Variants in DRC9 observed in about 807,000 individuals in gnomAD.
The protein encoded by DRC9 is dynein regulatory complex protein 9.
the DRC9 span, among the ~76,000 whole-genome samples, chr3:197,939,865 T>C: frequency 6.6e-6 from 1 of 152,076 alleles, no homozygotes; most frequent in Non-Finnish European, 1.5e-5. Context: ...ACTATTCCTC[T>C]ACCTTTATAC....
At chr3:197,912,200 G>A in the DRC9 span, among the ~76,000 whole-genome samples, 3 of 151,450 alleles carry the variant, frequency 2.0e-5, no homozygotes, top group Admixed American at 2.0e-4. Context: ...CACCATGCCC[G>A]GCTAATTTTT....
the DRC9 span, among the ~76,000 whole-genome samples, chr3:197,900,107 T>C: frequency 6.6e-6 from 1 of 152,198 alleles, no homozygotes; most frequent in Non-Finnish European, 1.5e-5. The surrounding 1 kb of genome is among the most constrained non-coding windows in gnomAD (Gnocchi z 4.7). Context: ...CCGCCCAGCC[T>C]AGCAGTGGGA....
At chr3:197,900,225 C>T in the DRC9 span, among the ~76,000 whole-genome samples, 216 of 152,328 alleles carry the variant, frequency 1.4e-3, 1 homozygote, top group Middle Eastern at 0.01. The surrounding 1 kb of genome is among the most constrained non-coding windows in gnomAD (Gnocchi z 4.7). Context: ...ACAACCCTTA[C>T]GCAAGCCCTG....
the DRC9 span, among the ~76,000 whole-genome samples, chr3:197,911,284 G>A: frequency 1.3e-5 from 2 of 152,096 alleles, no homozygotes; most frequent in African/African-American, 2.4e-5. Flanking sequence ...CACTGCTAAC[G>A]GCAGCACAGA....
At chr3:197,891,538 A>T in the DRC9 span, 1 of 1,578,646 alleles carries the variant, frequency 6.3e-7, no homozygotes, top group Non-Finnish European at 8.7e-7. Context: ...ACCTGTTCAT[A>T]CTCTCTTATC....
chr3:197,896,647 G>A, the DRC9 span, among the ~76,000 whole-genome samples: 2 of 152,182 alleles, frequency 1.3e-5, no homozygotes, highest in Non-Finnish European at 2.9e-5. Context: ...CCCAAATGAA[G>A]GCACTGGCAA....
chr3:197,940,202 G>C, the DRC9 span, among the ~76,000 whole-genome samples: 1 of 151,604 alleles, frequency 6.6e-6, no homozygotes, highest in Non-Finnish European at 1.5e-5. Context: ...CGCCATTTTG[G>C]CCAGGCTGGT....
the DRC9 span, chr3:197,912,968 C>T: frequency 1.5e-5 from 8 of 534,866 alleles, no homozygotes; most frequent in South Asian, 1.7e-4. Context: ...AGCACAATCC[C>T]GTGAGCTGAA....
At chr3:197,942,849 G>A in the DRC9 span, among the ~76,000 whole-genome samples, 2 of 150,634 alleles carry the variant, frequency 1.3e-5, no homozygotes, top group Admixed American at 6.6e-5. Flanking sequence ...CGGAGGTTGC[G>A]GTGAGCCTAG....
the DRC9 span, chr3:197,949,364 AGGACCTACTAGGTGCG>A: frequency 6.6e-6 from 1 of 152,276 alleles, no homozygotes; most frequent in African/African-American, 2.4e-5. Context: ...GTATCTACGG[AGGACCTACTAGGTGCG>A]GACACGAGGC....
the DRC9 span, among the ~76,000 whole-genome samples, chr3:197,947,243 A>AT: frequency 1.5e-4 from 22 of 151,198 alleles, no homozygotes; most frequent in East Asian, 2.9e-3. Context: ...TAATTTTTAA[A>AT]TTTTTTTTTT....
chr3:197,920,492 T>C, the DRC9 span, among the ~76,000 whole-genome samples: 78 of 150,020 alleles, frequency 5.2e-4, no homozygotes, highest in Non-Finnish European at 8.4e-4. Context: ...TTTGGGAGAC[T>C]GAGGCAGGTG....
At chr3:197,923,443 C>A in the DRC9 span, among the ~76,000 whole-genome samples, 25 of 152,296 alleles carry the variant, frequency 1.6e-4, no homozygotes, top group African/African-American at 6.0e-4. Context: ...TTACAATATT[C>A]TCAGGCCCAG....
the DRC9 span, among the ~76,000 whole-genome samples, chr3:197,925,043 T>C: frequency 4.6e-4 from 70 of 152,258 alleles, 1 homozygote; most frequent in African/African-American, 1.6e-3. Flanking sequence ...AATAACATAA[T>C]GAAGCCCAAC....
the DRC9 span, chr3:197,944,170 A>C: frequency 2.3e-6 from 2 of 861,492 alleles, no homozygotes; most frequent in Non-Finnish European, 3.6e-6. Context: ...GTATAATAGA[A>C]CCTAGATGAA....
chr3:197,950,840 T>A, the DRC9 span: 1 of 1,115,598 alleles, frequency 9.0e-7, no homozygotes, highest in Non-Finnish European at 1.3e-6. Flanking sequence ...GAAACTCCCA[T>A]CCAAAAGGAA....
the DRC9 span, among the ~76,000 whole-genome samples, chr3:197,925,332 G>T: frequency 1.1e-4 from 14 of 128,120 alleles, no homozygotes; most frequent in South Asian, 2.9e-4. Context: ...GGTCATCTGT[G>T]GGGGAGGGTG....
chr3:197,913,016 G>C, the DRC9 span: 1 of 419,934 alleles, frequency 2.4e-6, no homozygotes, highest in Non-Finnish European at 4.4e-6. Context: ...GGCGCTCCAA[G>C]GGCACAAGGC....
the DRC9 span, chr3:197,957,996 T>C: frequency 6.6e-5 from 10 of 152,226 alleles, no homozygotes; most frequent in African/African-American, 2.4e-4. Context: ...TCTCCTGTAC[T>C]GAACTGAGGA....
Sources: gnomAD v4.1 joint callset for allele counts (sites outside exome capture counted in the v4.1 genomes callset) on GRCh38, gnomAD v4.1.1 for gene constraint, Gnocchi (gnomAD v3.1) non-coding constraint, MANE v1.5 for transcripts, NCBI Gene and HGNC (gene_info 2026-07-23, HGNC 2026-07-21) for gene names.